CTNNA2: variants seen among roughly 807,000 people sequenced by gnomAD.
The protein encoded by CTNNA2 is catenin alpha-2.
CTNNA2 carries 42 observed loss-of-function variants against 101.0 expected under a neutral mutation model. The ratio of observed to expected loss-of-function variants is 0.42; its 90% CI spans 0.32 to 0.54. The LOEUF is 0.54. CTNNA2 is among the 20% of genes least tolerant of loss of function. The pLI is 0.14. For missense variants in CTNNA2, 871 were observed against 1,223.1 expected, an observed-to-expected ratio of 0.71 and a Z score of 4.29; for synonymous variants, 450 against 456.4, an observed-to-expected ratio of 0.99 and a Z score of 0.18.
chr2:79,830,859 A>C (rs1016381098), intron 3 of CTNNA2, among the ~76,000 whole-genome samples: 1 of 152,210 alleles, frequency 6.6e-6, no homozygotes, highest in Non-Finnish European at 1.5e-5. Context: ...GTGAGTCTCC[A>C]AAGATATTTT....
At chr2:79,483,293 T>TTAGTTATTACCGC (rs1451594579) in intron 4 of CTNNA2, among the ~76,000 whole-genome samples, 4 of 152,238 alleles carry the variant, frequency 2.6e-5, no homozygotes, top group African/African-American at 9.6e-5. Flanking sequence ...CGTCTATTGG[T>TTAGTTATTACCGC]TAGTTATTAC....
intron 7 of CTNNA2, among the ~76,000 whole-genome samples, chr2:80,314,347 A>G (rs1051652993): frequency 6.6e-6 from 1 of 152,218 alleles, no homozygotes. Flanking sequence ...TGTGAACTGT[A>G]TTCAGCTTAA....
At chr2:80,210,584 G>A (rs1194631212) in intron 7 of CTNNA2, among the ~76,000 whole-genome samples, 1 of 152,124 alleles carries the variant, frequency 6.6e-6, no homozygotes, top group Non-Finnish European at 1.5e-5. Flanking sequence ...TGGTATATAT[G>A]TGCCACATTT....
intron 7 of CTNNA2, among the ~76,000 whole-genome samples, chr2:80,067,008 T>C (rs1698030644): frequency 6.6e-6 from 1 of 152,132 alleles, no homozygotes; most frequent in Admixed American, 6.5e-5. Flanking sequence ...TATTGCACGA[T>C]CTCACTTATA....
At chr2:79,766,594 A>T (rs1298632701) in intron 3 of CTNNA2, among the ~76,000 whole-genome samples, 1 of 152,000 alleles carries the variant, frequency 6.6e-6, no homozygotes, top group Non-Finnish European at 1.5e-5. Context: ...GTTCTCTGTT[A>T]TTATCCCTTT....
At chr2:79,962,657 A>G (rs1440784117) in intron 7 of CTNNA2, among the ~76,000 whole-genome samples, 1 of 152,202 alleles carries the variant, frequency 6.6e-6, no homozygotes, top group Non-Finnish European at 1.5e-5. Flanking sequence ...ATGGGGGTCA[A>G]AGAGGTGCTA....
At chr2:80,411,577 A>G (rs935708488) in intron 8 of CTNNA2, among the ~76,000 whole-genome samples, 1 of 152,176 alleles carries the variant, frequency 6.6e-6, no homozygotes, top group Non-Finnish European at 1.5e-5. Context: ...TTGTTCCTGG[A>G]ATGTTTGCTG....
At chr2:80,118,860 G>A (rs965119951) in intron 7 of CTNNA2, among the ~76,000 whole-genome samples, 4 of 152,220 alleles carry the variant, frequency 2.6e-5, no homozygotes, top group Non-Finnish European at 5.9e-5. Flanking sequence ...TGATGTGAGT[G>A]CACTGGGAAG....
intron 12 of CTNNA2, among the ~76,000 whole-genome samples, chr2:80,562,723 T>G (rs1372384029): frequency 6.6e-6 from 1 of 152,054 alleles, no homozygotes; most frequent in East Asian, 1.9e-4. Context: ...TATGGTCTAA[T>G]CACACAGTGG....
intron 3 of CTNNA2, among the ~76,000 whole-genome samples, chr2:79,821,307 C>G (rs1677982713): frequency 6.6e-6 from 1 of 152,126 alleles, no homozygotes. Context: ...CTTCTAGGAT[C>G]AAGTGATCCT....
intron 2 of CTNNA2, among the ~76,000 whole-genome samples, chr2:79,717,491 G>A (rs1431059673): frequency 6.6e-6 from 1 of 152,182 alleles, no homozygotes; most frequent in Non-Finnish European, 1.5e-5. Context: ...CTAGGCCAGG[G>A]AGGAGGCAGC....
At chr2:80,632,242 A>C (rs7591588) in intron 18 of CTNNA2, among the ~76,000 whole-genome samples, 15,006 of 151,852 alleles carry the variant, frequency 0.099, 952 homozygotes, top group African/African-American at 0.18. Flanking sequence ...AAAGACTCAG[A>C]AATCTAGCTA....
intron 9 of CTNNA2, among the ~76,000 whole-genome samples, chr2:80,529,836 G>T (rs148146964): frequency 9.2e-5 from 14 of 152,228 alleles, no homozygotes; most frequent in African/African-American, 3.4e-4. Context: ...ATTCAGCGAG[G>T]GGGGTAAAAA....
intron 1 of CTNNA2, among the ~76,000 whole-genome samples, chr2:79,189,481 G>C (rs1010637197): frequency 1.3e-5 from 2 of 152,128 alleles, no homozygotes; most frequent in Admixed American, 6.6e-5. Context: ...ACAAAGAAAA[G>C]ATTGTACTTG....
chr2:79,488,622 C>T (rs1175992869), intron 4 of CTNNA2, among the ~76,000 whole-genome samples: 3 of 152,184 alleles, frequency 2.0e-5, no homozygotes, highest in Admixed American at 6.5e-5. Flanking sequence ...TCATCTGTGA[C>T]ATTGACTTCC....
At chr2:80,359,452 G>T (rs993138796) in intron 7 of CTNNA2, among the ~76,000 whole-genome samples, 7 of 152,126 alleles carry the variant, frequency 4.6e-5, no homozygotes, top group Non-Finnish European at 8.8e-5. Context: ...CTGGTGGGAG[G>T]TGATTGGATC....
intron 2 of CTNNA2, among the ~76,000 whole-genome samples, chr2:79,232,037 G>A (rs934880350): frequency 6.6e-6 from 1 of 152,036 alleles, no homozygotes; most frequent in Non-Finnish European, 1.5e-5. Flanking sequence ...CTCCTAGTTG[G>A]ATGCCTTTTA....
At chr2:80,521,426 T>G (rs1016413328) in intron 9 of CTNNA2, among the ~76,000 whole-genome samples, 1 of 152,168 alleles carries the variant, frequency 6.6e-6, no homozygotes, top group Non-Finnish European at 1.5e-5. Flanking sequence ...CTGGAACCCA[T>G]GAATATGTTA....
rs1683630941 is a variant in CTNNA2, at chr2:79,883,800, A to G, written c.852+9458A>G. Among the ~76,000 whole-genome samples the G allele has an allele frequency of 2.0e-5, 3 of 152,144 alleles. No individual in the cohort carries two copies. In the South Asian group the frequency reaches 6.2e-4, roughly 32 times the overall value. On this transcript the variant is annotated intron_variant, in intron 6 of 18. Transcript: ENST00000402739. Reference sequence around the variant, plus strand: ...AAAATTTCAACTGACACTGTTCATGAAGCTCCTTTCCAATATCTTTGAGAT... The same window carrying G: ...AAAATTTCAACTGACACTGTTCATGGAGCTCCTTTCCAATATCTTTGAGAT...
Sources: allele counts gnomAD v4.1 joint callset (sites outside exome capture counted in the v4.1 genomes callset), GRCh38; gene constraint gnomAD v4.1.1; transcripts MANE v1.5; gene names NCBI Gene and HGNC (gene_info 2026-07-23, HGNC 2026-07-21).